Variants in MAN1C1 observed in about 807,000 individuals in gnomAD.
MAN1C1 encodes mannosidase alpha class 1C member 1.
In MAN1C1, 49 loss-of-function variants were observed where a neutral mutation model predicts 71.5. The ratio of observed to expected loss-of-function variants is 0.69; its 90% CI spans 0.54 to 0.87. The LOEUF (loss-of-function observed/expected upper bound fraction) is 0.87. Among genes scored for constraint, MAN1C1 ranks in the 40% least tolerant of loss-of-function variants. The pLI, the probability that MAN1C1 is intolerant of heterozygous loss-of-function variation, is 0.00. For synonymous variants in MAN1C1, 352 were observed against 343.7 expected, an observed-to-expected ratio of 1.02 and a Z score of -0.27; for missense variants, 743 against 835.0, an observed-to-expected ratio of 0.89 and a Z score of 1.36.
chr1:25,662,282 G>C (rs894580192), intron 1 of MAN1C1, among the ~76,000 whole-genome samples: 1 of 152,202 alleles, frequency 6.6e-6, no homozygotes, highest in African/African-American at 2.4e-5. Flanking sequence ...GAGTGGAGGA[G>C]GGAGATGGTG....
At chr1:25,718,269 T>C (rs1180147904) in intron 2 of MAN1C1, among the ~76,000 whole-genome samples, 2 of 152,204 alleles carry the variant, frequency 1.3e-5, no homozygotes, top group Non-Finnish European at 2.9e-5. Flanking sequence ...GTAAACCTCC[T>C]CACAGTGTGT....
chr1:25,688,638 G>C (rs1420891597), intron 2 of MAN1C1, among the ~76,000 whole-genome samples: 2 of 152,150 alleles, frequency 1.3e-5, no homozygotes, highest in Admixed American at 1.3e-4. Context: ...CGTCTGGAAT[G>C]GTGGAAAGAA....
At chr1:25,684,762 G>A (rs185549828) in intron 1 of MAN1C1, among the ~76,000 whole-genome samples, 15 of 152,350 alleles carry the variant, frequency 9.8e-5, no homozygotes, top group African/African-American at 3.4e-4. Context: ...AAAGTGGGCC[G>A]CTAAGGCGGG....
intron 2 of MAN1C1, among the ~76,000 whole-genome samples, chr1:25,717,619 A>T (rs1572171209): frequency 7.2e-6 from 1 of 138,110 alleles, no homozygotes; most frequent in Non-Finnish European, 1.5e-5. Flanking sequence ...CTTGTTGCCC[A>T]GGCTGGAGTG....
chr1:25,778,353 G>A lies in MAN1C1; in HGVS notation c.1477+29G>A, dbSNP rs2047649229. The A allele has an allele frequency of 2.5e-6, 4 of 1,581,120 alleles. No homozygotes were observed. Among genetic ancestry groups the A allele is most frequent in the Admixed American group, 1.8e-5 (1 of 56,926 alleles). ...ACCCTGCAAGGGGAAGGGGCAGCAG[G>A]AGAGACTGAGGCTAGACACCAGGAA... is the stretch of plus-strand genomic sequence containing the variant. On this transcript the variant is annotated intron_variant, in intron 9 of 11. Coordinates refer to ENST00000374332, the MANE Select transcript of MAN1C1 (RefSeq NM_020379.4). The surrounding 1 kb of genome is among the most constrained non-coding windows in gnomAD (Gnocchi z 5.5).
chr1:25,703,439 T>G (rs561730359), intron 2 of MAN1C1, among the ~76,000 whole-genome samples: 287 of 152,288 alleles, frequency 1.9e-3, no homozygotes, highest in African/African-American at 6.7e-3. Flanking sequence ...CCCAGCATTT[T>G]GGGAGGCCAA....
chr1:25,780,413 C>CT (rs2047676974), intron 9 of MAN1C1, among the ~76,000 whole-genome samples: 1 of 152,118 alleles, frequency 6.6e-6, no homozygotes, highest in Non-Finnish European at 1.5e-5. Context: ...TGTTCCCAAA[C>CT]TCTCGAAGTT....
intron 2 of MAN1C1, among the ~76,000 whole-genome samples, chr1:25,692,410 T>C (rs2046320940): frequency 6.6e-6 from 1 of 152,166 alleles, no homozygotes; most frequent in South Asian, 2.1e-4. Context: ...CTTAATTAAT[T>C]CAGACGGGGT....
At chr1:25,749,857 C>T (rs2047191013) in intron 4 of MAN1C1, among the ~76,000 whole-genome samples, 2 of 152,260 alleles carry the variant, frequency 1.3e-5, no homozygotes, top group Non-Finnish European at 2.9e-5. Context: ...TTGCCCTCCC[C>T]TCCTGGGCCA....
intron 1 of MAN1C1, among the ~76,000 whole-genome samples, chr1:25,666,722 A>AACAT (rs796662758): frequency 1.2e-4 from 19 of 152,304 alleles, no homozygotes; most frequent in African/African-American, 4.6e-4. Context: ...CTTTATACAA[A>AACAT]ACATACGGCT....
rs571835980 is a variant in MAN1C1 at position 25,774,560 on chromosome 1, G to A, written c.1257+2788G>A. ...AGATGGGGCTCCTGCAGGCGGCAAA[G>A]GAAGGAACAGCCAGCGCCAGGCACT... On this transcript the variant is annotated intron_variant, in intron 8 of 11. Coordinates refer to ENST00000374332, the MANE Select transcript of MAN1C1 (RefSeq NM_020379.4). Among the ~76,000 whole-genome samples, 8 of 152,320 alleles carry A rather than the reference G, an allele frequency of 5.3e-5. No homozygotes were observed. The South Asian group carries it at 1.7e-3, about 32-fold the overall frequency.
intron 2 of MAN1C1, among the ~76,000 whole-genome samples, chr1:25,688,481 A>T (rs908888668): frequency 2.6e-5 from 4 of 152,220 alleles, no homozygotes; most frequent in Admixed American, 1.3e-4. Flanking sequence ...GAAACTGCAC[A>T]CAGCATGGGC....
chr1:25,640,150 G>A (rs960694079), intron 1 of MAN1C1, among the ~76,000 whole-genome samples: 6 of 152,202 alleles, frequency 3.9e-5, no homozygotes, highest in Admixed American at 6.5e-5. Context: ...GGCACCATCT[G>A]TGAGGTCTGA....
chr1:25,665,271 GTC>G (rs2045905915), intron 1 of MAN1C1, among the ~76,000 whole-genome samples: 1 of 152,122 alleles, frequency 6.6e-6, no homozygotes, highest in South Asian at 2.1e-4. Flanking sequence ...ACGTACACAT[GTC>G]TCTGTAGTTA....
At chr1:25,651,648 C>T (rs1340475491) in intron 1 of MAN1C1, among the ~76,000 whole-genome samples, 18 of 152,186 alleles carry the variant, frequency 1.2e-4, no homozygotes, top group Non-Finnish European at 2.1e-4. Context: ...TTGCACGGAG[C>T]AGGAGCTCAG....
intron 1 of MAN1C1, among the ~76,000 whole-genome samples, chr1:25,672,194 C>T (rs973998680): frequency 5.3e-5 from 8 of 152,070 alleles, no homozygotes; most frequent in Admixed American, 4.6e-4. Flanking sequence ...AGGAAGGTGC[C>T]CTAGCTCCAG....
At chr1:25,643,241 A>T (rs544514914) in intron 1 of MAN1C1, among the ~76,000 whole-genome samples, 3,494 of 141,632 alleles carry the variant, frequency 0.025, 142 homozygotes, top group African/African-American at 0.088. Flanking sequence ...TTAATTAATT[A>T]ATTAATTAAT....
At chr1:25,768,995 C>T (rs550928443) in intron 7 of MAN1C1, among the ~76,000 whole-genome samples, 2 of 145,478 alleles carry the variant, frequency 1.4e-5, no homozygotes, top group African/African-American at 5.1e-5. Context: ...CTCACATATA[C>T]ATACACTACA....
chr1:25,732,182 G>C (rs1043607079), intron 2 of MAN1C1, among the ~76,000 whole-genome samples: 2 of 152,118 alleles, frequency 1.3e-5, no homozygotes, highest in Admixed American at 1.3e-4. Context: ...GCTGCAGGGG[G>C]GCCTTGCTCC....
Sources: allele counts gnomAD v4.1 joint callset (sites outside exome capture counted in the v4.1 genomes callset), GRCh38; gene constraint gnomAD v4.1.1; non-coding constraint Gnocchi (gnomAD v3.1); transcripts MANE v1.5; gene names NCBI Gene and HGNC (gene_info 2026-07-23, HGNC 2026-07-21).